UROC1: variants seen among roughly 807,000 people sequenced by gnomAD.
UROC1 encodes the protein urocanate hydratase 1.
UROC1 carries 79 observed loss-of-function variants against 89.5 expected under a neutral mutation model. The observed-to-expected ratio is 0.88, with a 90% CI of 0.74 to 1.06. The LOEUF is 1.06. UROC1 is among the 50% of genes least tolerant of loss of function. The pLI is 0.00. For missense variants in UROC1, 885 were observed against 907.8 expected, an observed-to-expected ratio of 0.97 and a Z score of 0.32; for synonymous variants, 361 against 354.8, an observed-to-expected ratio of 1.02 and a Z score of -0.20.
rs1444298817 is a variant in UROC1, at chr3:126,505,951, G to T, written c.663C>A (p.Gly221=). ...CYIGPQGIVH[G]TVLTVLNAAR... ...GCGTGGCCCCATCTCTCACCACAGT[G>T]CCATGAACGATTCCCTGGGGACCGA... is the stretch of plus-strand genomic sequence containing the variant. The change falls in exon 7 of 20, where the codon GGC becomes GGA. Residue 221 remains glycine, a synonymous_variant. Coordinates refer to ENST00000290868, the MANE Select transcript of UROC1 (RefSeq NM_144639.3). 1.2e-6 allele frequency: 2 copies of T among 1,612,924 alleles called. No individual in the cohort carries two copies. The highest frequency in any genetic ancestry group is 2.2e-5 in the South Asian group (2 of 91,068).
intron 15 of UROC1, among the ~76,000 whole-genome samples, chr3:126,494,366 C>T (rs1006812160): frequency 1.3e-5 from 2 of 152,174 alleles, no homozygotes; most frequent in South Asian, 4.1e-4. Flanking sequence ...GGCATCCATC[C>T]TCTCAGGCTA....
chr3:126,489,145 G>A, intron 17 of UROC1, 131 bp downstream of exon 17: 1 of 846,422 alleles, frequency 1.2e-6, no homozygotes, highest in East Asian at 2.6e-5. Context: ...CTCAGTCCTG[G>A]GTTGGTCACT....
At chr3:126,511,474 T>G (rs1298393128) in intron 1 of UROC1, among the ~76,000 whole-genome samples, 1 of 152,216 alleles carries the variant, frequency 6.6e-6, no homozygotes, top group Non-Finnish European at 1.5e-5. Flanking sequence ...TCCTCACTAT[T>G]CTAAAGGCAG....
intron 12 of UROC1, 76 bp from the exon 13 acceptor site, chr3:126,499,485 G>A (rs1279858678): frequency 3.6e-6 from 5 of 1,401,418 alleles, no homozygotes; most frequent in Non-Finnish European, 4.0e-6. Flanking sequence ...TTAAACACAG[G>A]GCCCAGAGGG....
chr3:126,506,154 G>A, intron 6 of UROC1, 143 bp from the exon 7 acceptor site: 1 of 905,382 alleles, frequency 1.1e-6, no homozygotes, highest in Non-Finnish European at 1.7e-6. Context: ...AAAATAGAGA[G>A]AGCACAGAGA....
chr3:126,507,306 C>T (rs1002485938), intron 6 of UROC1, among the ~76,000 whole-genome samples: 4 of 149,078 alleles, frequency 2.7e-5, no homozygotes, highest in African/African-American at 9.9e-5. Context: ...AAAACATAAA[C>T]AAACGTTGAA....
In UROC1 at chr3:126,482,236, G is replaced by T; in HGVS notation, c.*109C>A. On this transcript the variant is annotated 3_prime_UTR_variant, in exon 20 of 20. Transcript: ENST00000290868. ...GGCACCATAAGGGCCACGTGAGGAT[G>T]TGCGAGAAGTGCAGGTAGTGCGGGT... 2.0e-6 allele frequency: 3 copies of T among 1,507,784 alleles called. No individual in the cohort carries two copies. The highest frequency in any genetic ancestry group is 2.7e-6 in the Non-Finnish European group (3 of 1,103,458). 93.4% of individuals were successfully genotyped at this position (1,507,784 alleles called of 1,614,324 possible). A position where few individuals can be genotyped will look rare whatever the true frequency, so the allele number is the denominator to read the frequency against.
intron 3 of UROC1, 43 bp from the exon 4 acceptor site, chr3:126,508,518 G>C (rs758118518): frequency 3.8e-6 from 6 of 1,559,814 alleles, no homozygotes; most frequent in South Asian, 3.4e-5. Context: ...GCCTGGGAAG[G>C]GCCTATGGAG....
chr3:126,501,377 G>A, intron 9 of UROC1, 97 bp from the exon 10 acceptor site: 3 of 1,424,974 alleles, frequency 2.1e-6, no homozygotes, highest in East Asian at 4.6e-5. Context: ...GCAGACCCAG[G>A]AGGCCACCAG....
chr3:126,485,516 G>A (rs140066467), intron 18 of UROC1, among the ~76,000 whole-genome samples: 51 of 152,138 alleles, frequency 3.4e-4, no homozygotes, highest in African/African-American at 1.1e-3. Flanking sequence ...GAGGATCAGC[G>A]TCACCAGGAG....
At chr3:126,517,444 C>T (rs1166633982) in intron 1 of UROC1, 150 bp downstream of exon 1, 45 of 1,194,136 alleles carry the variant, frequency 3.8e-5, no homozygotes, top group Non-Finnish European at 9.6e-6. Context: ...GTCCACTGTG[C>T]ATTGCACCCG....
At position 126,498,190 on chromosome 3, in the gene UROC1, T is replaced by A; in HGVS notation, c.1317-18A>T. On this transcript the variant is annotated intron_variant, in intron 13 of 19. Transcript: ENST00000290868. Reference sequence around the variant, plus strand: ...ATATGTCCCTGCAAGCACAGATGCCTCCTCACCCTGGGCCCGCTGGCTTGT... The same window carrying A: ...ATATGTCCCTGCAAGCACAGATGCCACCTCACCCTGGGCCCGCTGGCTTGT... 6.2e-7 allele frequency: 1 copy of A among 1,614,012 alleles called. No homozygotes were observed. The highest frequency in any genetic ancestry group is 8.5e-7 in the Non-Finnish European group (1 of 1,180,002).
chr3:126,489,406 A>T (rs777479), intron 16 of UROC1, 31 bp from the exon 17 acceptor site: 2 of 1,589,130 alleles, frequency 1.3e-6, no homozygotes, highest in South Asian at 2.2e-5. Context: ...GCTGTCAGCC[A>T]ACAGTGTCCA....
rs1035191004 is a variant in UROC1 at position 126,482,124 on chromosome 3, A to T, written c.*221T>A. 7.8e-6 allele frequency: 5 copies of T among 637,074 alleles called. No individual in the cohort carries two copies. Among genetic ancestry groups the T allele is most frequent in the Middle Eastern group, 4.4e-4 (1 of 2,288 alleles). The allele number at this position is 637,074 out of a possible 1,614,324, so 39.5% of individuals were successfully genotyped here. A position where few individuals can be genotyped will look rare whatever the true frequency, so the allele number is the denominator to read the frequency against. The stretch of plus-strand genomic sequence containing the variant: ...TGACAGCCTTCAGGGCTCCCATGCA[A>T]GTGGCATGGTTGTGGACAGAGAGCT... On this transcript the variant is annotated 3_prime_UTR_variant, in exon 20 of 20. Transcript: ENST00000290868.
chr3:126,489,337 G>T lies in UROC1; in HGVS notation c.1647C>A (p.Ser549Arg). Residue 549 changes from serine to arginine, a missense_variant, in exon 17 of 20, where the codon AGC becomes AGA. By Grantham distance (110) the Ser-to-Arg change is moderately radical. Coordinates refer to ENST00000290868, the MANE Select transcript of UROC1 (RefSeq NM_144639.3). Reference protein sequence around the residue: ...VVLSRDHHDVSGTDSPFRETS... With the variant: ...VVLSRDHHDVRGTDSPFRETS... Reference sequence around the variant, plus strand: ...TCTCCCTAAAGGGGCTGTCGGTGCCGCTCACGTCATGGTGATCTCGGCTCA... The same window carrying T: ...TCTCCCTAAAGGGGCTGTCGGTGCCTCTCACGTCATGGTGATCTCGGCTCA... 1 of 1,613,388 alleles carries T rather than the reference G, an allele frequency of 6.2e-7. No homozygotes were observed. The highest frequency in any genetic ancestry group is 8.5e-7 in the Non-Finnish European group (1 of 1,180,008).
rs200380696 is a variant in UROC1, at chr3:126,489,307, G to A, written c.1677C>T (p.Ser559=). The A allele has an allele frequency of 2.1e-5, 34 of 1,613,828 alleles. No homozygotes were observed. The East Asian group carries it at 7.6e-4, about 36-fold the overall frequency. The part of the protein sequence containing the change: ...SGTDSPFRET[S]NIYDGSAFCA... ...AGAAGGCAGAGCCGTCGTAAATGTT[G>A]GAGGTCTCCCTAAAGGGGCTGTCGG... The change falls in exon 17 of 20, where the codon TCC becomes TCT. Residue 559 remains serine (S), a synonymous_variant. Transcript: ENST00000290868.
In UROC1 at chr3:126,482,351, C is replaced by A; in HGVS notation, c.2025G>T (p.Gln675His). The A allele has an allele frequency of 6.2e-7, 1 of 1,613,018 alleles. No homozygotes were observed. Among genetic ancestry groups the A allele is most frequent in the Middle Eastern group, 1.8e-4 (1 of 5,698 alleles). Reference protein sequence around the residue: ...EDERVLQQALQL With the variant: ...EDERVLQQALHL Reference sequence around the variant, plus strand: ...GCCGCGACTCCTGGCTCCCTCAGAGCTGCAGGGCCTGCTGGAGCACCCGCT... The same window carrying A: ...GCCGCGACTCCTGGCTCCCTCAGAGATGCAGGGCCTGCTGGAGCACCCGCT... Residue 675 changes from glutamine to histidine, a missense_variant, in exon 20 of 20, where the codon CAG (glutamine) becomes CAT (histidine). Coordinates refer to ENST00000290868, the MANE Select transcript of UROC1 (RefSeq NM_144639.3).
chr3:126,500,745 C>G lies in UROC1; in HGVS notation c.1095G>C (p.Gln365His). The change falls in exon 11 of 20, where the codon CAG becomes CAC. Residue 365 changes from glutamine (Q) to histidine (H), a missense_variant. Coordinates refer to ENST00000290868, the MANE Select transcript of UROC1 (RefSeq NM_144639.3). ...CAGCAGGGTTGGAGGCCATGAGGCT[C>G]TGGGCCTCCGTGAAGCTGAGCTGCA... ...YPVQLSFTEA[Q>H]SLMASNPAVF... 6.2e-7 allele frequency: 1 copy of G among 1,614,120 alleles called. No homozygotes were observed. Among genetic ancestry groups the G allele is most frequent in the Non-Finnish European group, 8.5e-7 (1 of 1,180,022 alleles).
intron 15 of UROC1, among the ~76,000 whole-genome samples, chr3:126,495,615 G>A (rs1216452823): frequency 4.6e-5 from 7 of 152,212 alleles, no homozygotes; most frequent in South Asian, 2.1e-4. Context: ...GAACATGGGC[G>A]TGCAAGTATC....
Sources: gnomAD v4.1 joint callset for allele counts (sites outside exome capture counted in the v4.1 genomes callset) on GRCh38, gnomAD v4.1.1 for gene constraint, MANE v1.5 for transcripts, NCBI Gene and HGNC (gene_info 2026-07-23, HGNC 2026-07-21) for gene names.